Variants in RCAN1 observed in about 807,000 individuals in gnomAD.
RCAN1 encodes the protein calcipressin-1.
Under a neutral mutation model 22.9 loss-of-function variants are expected in RCAN1, and 11 were observed. The ratio of observed to expected loss-of-function variants is 0.48; its 90% CI spans 0.30 to 0.79. RCAN1 has a LOEUF of 0.79. Among genes scored for constraint, RCAN1 ranks in the 30% least tolerant of loss-of-function variants. The pLI is 0.06. For synonymous variants in RCAN1, 136 were observed against 142.3 expected (o/e 0.96, Z 0.32); for missense variants, 291 against 337.8 (o/e 0.86, Z 1.09).
chr21:34,530,815 G>C (rs1235935360), intron 1 of RCAN1, among the ~76,000 whole-genome samples: 3 of 151,756 alleles, frequency 2.0e-5, no homozygotes, highest in Non-Finnish European at 2.9e-5. Context: ...AGTAGAGATG[G>C]GGTTTCACCA....
chr21:34,608,813 T>C (rs896053990), intron 1 of RCAN1, among the ~76,000 whole-genome samples: 1 of 152,182 alleles, frequency 6.6e-6, no homozygotes, highest in East Asian at 1.9e-4. Flanking sequence ...ATGTGAGTAC[T>C]ATCAACAGCT....
chr21:34,567,567 A>G (rs1254187595), intron 1 of RCAN1, among the ~76,000 whole-genome samples: 5 of 152,134 alleles, frequency 3.3e-5, no homozygotes, highest in South Asian at 2.1e-4. Flanking sequence ...AAAAAAAAAA[A>G]AAAGAAAGAA....
At chr21:34,549,587 G>A (rs1986284157) in intron 1 of RCAN1, among the ~76,000 whole-genome samples, 1 of 152,126 alleles carries the variant, frequency 6.6e-6, no homozygotes, top group South Asian at 2.1e-4. Context: ...GCTAAAACAG[G>A]TAAGCAAAAT....
At chr21:34,606,326 G>C (rs921247990) in intron 1 of RCAN1, among the ~76,000 whole-genome samples, 13 of 152,104 alleles carry the variant, frequency 8.5e-5, no homozygotes, top group African/African-American at 2.9e-4. Flanking sequence ...TGTGCTGCCT[G>C]CTGCACCCTT....
At chr21:34,537,040 T>C (rs1439730372) in intron 1 of RCAN1, among the ~76,000 whole-genome samples, 1 of 152,228 alleles carries the variant, frequency 6.6e-6, no homozygotes, top group Non-Finnish European at 1.5e-5. Context: ...GCCTGCATTC[T>C]TTGCTGATGA....
At position 34,614,901 on chromosome 21, in the gene RCAN1, CGA is replaced by C; in HGVS notation, c.109_110del (p.Ser37GlyfsTer16). ...CGCCCTCGTCCGCCTCGGCCGCCCC[CGA>C]GAGGGGCGCGAAGGGCCGCAGCGTC... ...GVTLRPFAPL[S>X]GAAEADEGGG... is the part of the protein sequence containing the mutation. On this transcript the variant is annotated frameshift_variant, in exon 1 of 4. Coordinates refer to ENST00000313806, the MANE Select transcript of RCAN1 (RefSeq NM_004414.7). LOFTEE classifies it high-confidence loss of function. This position sits in a 1 kb window ranked among gnomAD's most constrained non-coding sequence, Gnocchi z 6.0. 1 of 1,429,484 alleles carries C rather than the reference CGA, an allele frequency of 7.0e-7. No homozygotes were observed. The highest frequency in any genetic ancestry group is 2.3e-5 in the Admixed American group (1 of 43,534). 88.6% of individuals were successfully genotyped at this position (1,429,484 alleles called of 1,614,324 possible).
chr21:34,585,231 C>T (rs939547073), intron 1 of RCAN1, among the ~76,000 whole-genome samples: 3 of 152,012 alleles, frequency 2.0e-5, no homozygotes, highest in Non-Finnish European at 2.9e-5. Context: ...TTTTGTTATA[C>T]AAAAAAGAAA....
chr21:34,536,852 G>C (rs1382363406), intron 1 of RCAN1, among the ~76,000 whole-genome samples: 2 of 152,216 alleles, frequency 1.3e-5, no homozygotes, highest in Non-Finnish European at 2.9e-5. Context: ...AAACTCAAGA[G>C]GCAGGTCAGA....
At chr21:34,605,599 A>C (rs1055575883) in intron 1 of RCAN1, among the ~76,000 whole-genome samples, 1 of 152,168 alleles carries the variant, frequency 6.6e-6, no homozygotes, top group African/African-American at 2.4e-5. Flanking sequence ...TATATGAAAA[A>C]TTCACTCGCA....
At chr21:34,591,845 T>C (rs1039332267) in intron 1 of RCAN1, among the ~76,000 whole-genome samples, 6 of 152,190 alleles carry the variant, frequency 3.9e-5, no homozygotes, top group Non-Finnish European at 8.8e-5. Flanking sequence ...GGTGGTCACA[T>C]AGCAAACTAC....
In RCAN1 at chr21:34,518,200, C is replaced by T. The variant is rs1426788915; in HGVS notation, c.643G>A (p.Val215Ile). The T allele has an allele frequency of 6.2e-7, 1 of 1,614,096 alleles. No homozygotes were observed. Among genetic ancestry groups the T allele is most frequent in the Admixed American group, 1.7e-5 (1 of 60,012 alleles). Residue 215 changes from valine to isoleucine, a missense_variant, in exon 4 of 4, where the codon GTA (valine) becomes ATA (isoleucine). By Grantham distance (29) the Val-to-Ile change is conservative. Coordinates refer to ENST00000313806, the MANE Select transcript of RCAN1 (RefSeq NM_004414.7). The surrounding 1 kb of genome is among the most constrained non-coding windows in gnomAD (Gnocchi z 4.2). Reference sequence around the variant, plus strand: ...TCCTTCTCTTGATCACTCTCACATACATGGACCACCACGCTGGGAGTGGTG... The same window carrying T: ...TCCTTCTCTTGATCACTCTCACATATATGGACCACCACGCTGGGAGTGGTG... The part of the protein sequence containing the change: ...TDTTPSVVVH[V>I]CESDQEKEEE...
intron 1 of RCAN1, among the ~76,000 whole-genome samples, chr21:34,564,533 A>G (rs1222068139): frequency 6.6e-6 from 1 of 152,176 alleles, no homozygotes; most frequent in Non-Finnish European, 1.5e-5. Flanking sequence ...AGGCAGGGAC[A>G]GACAGCCAGG....
intron 1 of RCAN1, among the ~76,000 whole-genome samples, chr21:34,584,724 C>T (rs1009958074): frequency 2.0e-5 from 3 of 152,194 alleles, no homozygotes; most frequent in Non-Finnish European, 4.4e-5. Flanking sequence ...TAATACCTTC[C>T]TCAAACCATT....
intron 1 of RCAN1, among the ~76,000 whole-genome samples, chr21:34,591,275 A>C (rs1987964841): frequency 6.6e-6 from 1 of 152,228 alleles, no homozygotes; most frequent in African/African-American, 2.4e-5. Flanking sequence ...TCAGTACAAC[A>C]CAGTGTGCCC....
chr21:34,574,090 T>TACTATG (rs1987325735), intron 1 of RCAN1, among the ~76,000 whole-genome samples: 1 of 152,198 alleles, frequency 6.6e-6, no homozygotes, highest in South Asian at 2.1e-4. Context: ...AAATGAAGCC[T>TACTATG]ACTATGAATA....
intron 2 of RCAN1, 46 bp from the exon 3 acceptor site, chr21:34,521,704 CT>C: frequency 1.3e-6 from 2 of 1,535,456 alleles, no homozygotes; most frequent in Non-Finnish European, 1.8e-6. Context: ...CAGGGAAGAA[CT>C]GCAGTGAGGC....
chr21:34,585,567 T>A (rs1420805658), intron 1 of RCAN1, among the ~76,000 whole-genome samples: 1 of 151,482 alleles, frequency 6.6e-6, no homozygotes, highest in Non-Finnish European at 1.5e-5. Flanking sequence ...CACGGTGAAA[T>A]CCCGTCTCCA....
intron 1 of RCAN1, among the ~76,000 whole-genome samples, chr21:34,544,042 G>A (rs1986029037): frequency 2.0e-5 from 3 of 152,268 alleles, no homozygotes; most frequent in Admixed American, 2.0e-4. Flanking sequence ...AAAGGTTGTT[G>A]TAGAATGTGC....
chr21:34,549,840 G>A (rs1986298370), intron 1 of RCAN1, among the ~76,000 whole-genome samples: 1 of 152,152 alleles, frequency 6.6e-6, no homozygotes, highest in South Asian at 2.1e-4. Flanking sequence ...AACACCTACA[G>A]GCACTGACCA....
Sources: gnomAD v4.1 joint callset for allele counts (sites outside exome capture counted in the v4.1 genomes callset) on GRCh38, gnomAD v4.1.1 for gene constraint, Gnocchi (gnomAD v3.1) non-coding constraint, MANE v1.5 for transcripts, NCBI Gene and HGNC (gene_info 2026-07-23, HGNC 2026-07-21) for gene names.